PTPRD: variants seen among roughly 807,000 people sequenced by gnomAD.
PTPRD encodes protein tyrosine phosphatase receptor type D, also known as receptor-type tyrosine-protein phosphatase delta.
PTPRD carries 34 observed loss-of-function variants against 214.5 expected under a neutral mutation model. The ratio of observed to expected loss-of-function variants is 0.16; its 90% CI spans 0.12 to 0.21. PTPRD has a LOEUF of 0.21. PTPRD is among the 10% of genes least tolerant of loss of function. The pLI is 1.00. For missense variants in PTPRD, 2,545 were observed against 2,398.7 expected, an observed-to-expected ratio of 1.06 and a Z score of -1.27; for synonymous variants, 1,128 against 845.7, an observed-to-expected ratio of 1.33 and a Z score of -5.79.
chr9:8,352,648 C>A (rs900819876), intron 39 of PTPRD, among the ~76,000 whole-genome samples: 1 of 152,288 alleles, frequency 6.6e-6, no homozygotes, highest in African/African-American at 2.4e-5. Context: ...AATGCTATTA[C>A]TCCTGATTCA....
intron 7 of PTPRD, among the ~76,000 whole-genome samples, chr9:9,704,192 C>T (rs1483963734): frequency 6.6e-6 from 1 of 152,164 alleles, no homozygotes; most frequent in East Asian, 1.9e-4. Flanking sequence ...AAGTACAGCA[C>T]ATCTACATAC....
intron 12 of PTPRD, among the ~76,000 whole-genome samples, chr9:8,733,398 T>G (rs1004489): frequency 6.6e-6 from 1 of 152,104 alleles, no homozygotes; most frequent in African/African-American, 2.4e-5. Context: ...AAACACGGAA[T>G]GATCCACAAA....
chr9:9,505,828 T>C (rs908228801), intron 8 of PTPRD, among the ~76,000 whole-genome samples: 1 of 151,532 alleles, frequency 6.6e-6, no homozygotes, highest in Non-Finnish European at 1.5e-5. Flanking sequence ...TTTTAGGATA[T>C]GCTTAACTAC....
chr9:9,422,898 T>G (rs1466966036), intron 8 of PTPRD, among the ~76,000 whole-genome samples: 2 of 152,098 alleles, frequency 1.3e-5, no homozygotes, highest in Non-Finnish European at 2.9e-5. Context: ...TGCTGGCACC[T>G]TTAAGTTGTT....
intron 3 of PTPRD, among the ~76,000 whole-genome samples, chr9:10,289,048 G>A (rs1174940011): frequency 6.9e-6 from 1 of 145,088 alleles, no homozygotes; most frequent in South Asian, 2.2e-4. Context: ...ATTTCTTTTT[G>A]TTTCTCTTTT....
At chr9:8,577,236 T>C (rs2092511200) in intron 14 of PTPRD, among the ~76,000 whole-genome samples, 1 of 64,046 alleles carries the variant, frequency 1.6e-5, no homozygotes, top group Non-Finnish European at 3.1e-5. Flanking sequence ...TTATTTTTTA[T>C]TTGTTTGTTT....
intron 5 of PTPRD, among the ~76,000 whole-genome samples, chr9:9,828,013 G>A (rs1334724845): frequency 6.6e-6 from 1 of 152,164 alleles, no homozygotes; most frequent in Non-Finnish European, 1.5e-5. Flanking sequence ...AACAGGTGCT[G>A]GAGAGGATGT....
intron 25 of PTPRD, among the ~76,000 whole-genome samples, chr9:8,498,059 C>T (rs962309830): frequency 3.9e-5 from 6 of 152,010 alleles, no homozygotes; most frequent in Admixed American, 3.9e-4. Context: ...GTCAATGGCC[C>T]CTTTCCAGTG....
intron 33 of PTPRD, among the ~76,000 whole-genome samples, chr9:8,454,413 A>G (rs10977121): frequency 0.49 from 74,817 of 151,956 alleles, 19,011 homozygotes; most frequent in East Asian, 0.59. Context: ...TTTTCCCCAG[A>G]ATCATCTTAA....
At chr9:8,552,906 G>A (rs1463270040) in intron 14 of PTPRD, among the ~76,000 whole-genome samples, 1 of 152,164 alleles carries the variant, frequency 6.6e-6, no homozygotes, top group Non-Finnish European at 1.5e-5. Context: ...AAACACTTCT[G>A]GAGAACAATT....
At chr9:9,720,854 G>A (rs1310969288) in intron 7 of PTPRD, among the ~76,000 whole-genome samples, 1 of 152,124 alleles carries the variant, frequency 6.6e-6, no homozygotes, top group Non-Finnish European at 1.5e-5. Flanking sequence ...AACATGGATG[G>A]AGTGGAGGAT....
intron 11 of PTPRD, among the ~76,000 whole-genome samples, chr9:8,776,437 G>A (rs943675111): frequency 2.0e-5 from 3 of 152,042 alleles, no homozygotes; most frequent in Non-Finnish European, 1.5e-5. Context: ...AAGTAGCTGG[G>A]ACTACAGGTG....
intron 35 of PTPRD, among the ~76,000 whole-genome samples, chr9:8,407,241 G>A (rs985722987): frequency 3.9e-5 from 6 of 152,110 alleles, no homozygotes; most frequent in African/African-American, 1.4e-4. Context: ...AAAAATACGT[G>A]CTAGGTCATT....
At chr9:9,373,168 T>C (rs1596560232) in intron 9 of PTPRD, among the ~76,000 whole-genome samples, 1 of 152,044 alleles carries the variant, frequency 6.6e-6, no homozygotes, top group Admixed American at 6.6e-5. Context: ...GTTAAAGACA[T>C]GGACTGAAGA....
intron 5 of PTPRD, among the ~76,000 whole-genome samples, chr9:9,874,915 T>G (rs552141955): frequency 1.3e-5 from 2 of 152,250 alleles, no homozygotes; most frequent in Admixed American, 1.3e-4. Context: ...GGATAAAATC[T>G]TATGATTCCA....
chr9:9,050,903 G>T (rs1460756547), intron 10 of PTPRD, among the ~76,000 whole-genome samples: 1 of 152,066 alleles, frequency 6.6e-6, no homozygotes, highest in Non-Finnish European at 1.5e-5. Flanking sequence ...ATAGATATAG[G>T]GTTTGGTACT....
At chr9:9,413,318 G>A (rs896953255) in intron 8 of PTPRD, among the ~76,000 whole-genome samples, 6 of 149,770 alleles carry the variant, frequency 4.0e-5, no homozygotes, top group Non-Finnish European at 7.4e-5. Context: ...GTTTCACCTT[G>A]TTAGCCAGGA....
At chr9:9,027,912 G>A (rs16928772) in intron 10 of PTPRD, among the ~76,000 whole-genome samples, 3,410 of 151,990 alleles carry the variant, frequency 0.022, 129 homozygotes, top group African/African-American at 0.077. Context: ...TAACATAAAA[G>A]AATCCCCTGT....
At chr9:8,357,607 C>T (rs927935582) in intron 39 of PTPRD, among the ~76,000 whole-genome samples, 1 of 152,148 alleles carries the variant, frequency 6.6e-6, no homozygotes, top group African/African-American at 2.4e-5. Flanking sequence ...ACAAACTGCT[C>T]CTTAGTAAGG....
Sources: gnomAD v4.1 joint callset for allele counts (sites outside exome capture counted in the v4.1 genomes callset) on GRCh38, gnomAD v4.1.1 for gene constraint, MANE v1.5 for transcripts, NCBI Gene and HGNC (gene_info 2026-07-23, HGNC 2026-07-21) for gene names.